Variants in KCTD16 observed in about 807,000 individuals in gnomAD.
KCTD16 encodes the protein potassium channel tetramerization domain containing 16.
Under a neutral mutation model 33.2 loss-of-function variants are expected in KCTD16, and 13 were observed. The ratio of observed to expected loss-of-function variants is 0.39; its 90% CI spans 0.25 to 0.62. The LOEUF (loss-of-function observed/expected upper bound fraction) is 0.62, where lower values mean the gene tolerates loss of function less well. Among genes scored for constraint, KCTD16 ranks in the 20% least tolerant of loss-of-function variants. KCTD16 has a pLI of 0.50. For synonymous variants in KCTD16, 197 were observed against 195.3 expected, an observed-to-expected ratio of 1.01 and a Z score of -0.07; for missense variants, 441 against 525.1, an observed-to-expected ratio of 0.84 and a Z score of 1.57.
At position 144,387,138 on chromosome 5, in the gene KCTD16, A is replaced by ATTT. The variant is rs377558036; in HGVS notation, c.833-86503_833-86501dup. The stretch of plus-strand genomic sequence containing the variant: ...TGCGCCACCTCACCAGGCTAATTTA[A>ATTT]TTTTTTTTTTTTTTTTTTTTTGAGA... On this transcript the variant is annotated intron_variant, in intron 3 of 3. Transcript: ENST00000512467. Among the ~76,000 whole-genome samples the ATTT allele has an allele frequency of 8.0e-3, 926 of 116,098 alleles. 26 individuals carry two copies. Among genetic ancestry groups the ATTT allele is most frequent in the East Asian group, 0.071 (281 of 3,940 alleles). The allele number at this position is 116,098 out of a possible 152,430, so 76.2% of individuals were successfully genotyped here. A position where few individuals can be genotyped will look rare whatever the true frequency, so the allele number is the denominator to read the frequency against.
At chr5:144,315,637 G>A (rs371170307) in intron 3 of KCTD16, among the ~76,000 whole-genome samples, 20 of 152,100 alleles carry the variant, frequency 1.3e-4, no homozygotes, top group South Asian at 4.2e-4. Context: ...TCTGTGTGAC[G>A]GGTACTATTA....
At chr5:144,370,335 T>C (rs1367334616) in intron 3 of KCTD16, among the ~76,000 whole-genome samples, 1 of 152,240 alleles carries the variant, frequency 6.6e-6, no homozygotes, top group East Asian at 1.9e-4. Flanking sequence ...TAGTTCTACC[T>C]AGACTGAAGG....
intron 3 of KCTD16, among the ~76,000 whole-genome samples, chr5:144,372,120 T>C (rs1240763662): frequency 6.6e-6 from 1 of 152,078 alleles, no homozygotes; most frequent in African/African-American, 2.4e-5. Flanking sequence ...GTGTTGAGAT[T>C]AAAATCCTGG....
At chr5:144,185,866 TACATG>T (rs1752715286) in intron 2 of KCTD16, among the ~76,000 whole-genome samples, 1 of 152,228 alleles carries the variant, frequency 6.6e-6, no homozygotes, top group South Asian at 2.1e-4. Context: ...CTAAGTATTT[TACATG>T]TATTGGCTCA....
intron 3 of KCTD16, among the ~76,000 whole-genome samples, chr5:144,352,116 A>T (rs1333205541): frequency 2.0e-5 from 3 of 152,238 alleles, no homozygotes; most frequent in Non-Finnish European, 4.4e-5. Flanking sequence ...CATCTATCAA[A>T]ACATCATGTT....
intron 3 of KCTD16, among the ~76,000 whole-genome samples, chr5:144,465,723 G>A (rs1282251952): frequency 1.4e-5 from 2 of 146,282 alleles, no homozygotes; most frequent in African/African-American, 2.5e-5. Flanking sequence ...TTCCACCTGC[G>A]TTTCTCATAA....
Position 144,206,939 on chromosome 5 carries a change from T to G in KCTD16, c.225T>G (p.Ile75Met). ...AGGACTCCAAGGGAAGGTTTTTCAT[T>G]GACAGAGATGGATTCTTGTTCCGTT... ...LAKDSKGRFF[I>M]DRDGFLFRYI... The change falls in exon 3 of 4, where the codon ATT becomes ATG. Residue 75 changes from isoleucine to methionine, a missense_variant. By Grantham distance (10) the Ile-to-Met change is conservative (BLOSUM62 1). Transcript: ENST00000512467. The G allele has an allele frequency of 1.2e-6, 2 of 1,614,128 alleles. No homozygotes were observed. Among genetic ancestry groups the G allele is most frequent in the Non-Finnish European group, 1.7e-6 (2 of 1,180,004 alleles).
intron 3 of KCTD16, among the ~76,000 whole-genome samples, chr5:144,419,223 C>G (rs377621880): frequency 1.3e-5 from 2 of 152,238 alleles, no homozygotes; most frequent in East Asian, 3.9e-4. Context: ...AATTTGCATC[C>G]CTGATATTCT....
At chr5:144,238,484 G>A (rs960553091) in intron 3 of KCTD16, among the ~76,000 whole-genome samples, 1 of 152,034 alleles carries the variant, frequency 6.6e-6, no homozygotes, top group Non-Finnish European at 1.5e-5. Context: ...CTTTTCCTTG[G>A]TGGAAGTGAG....
rs150802476 is a variant in KCTD16 at position 144,408,261 on chromosome 5, A to G, written c.833-65399A>G. On this transcript the variant is annotated intron_variant, in intron 3 of 3. Transcript: ENST00000512467. ...CAAAGCCAGGAGCAGAAGGACTGGTATTTGAATAATCCTTGTAAATAATCA... is the reference window on the plus strand; with the variant it reads ...CAAAGCCAGGAGCAGAAGGACTGGTGTTTGAATAATCCTTGTAAATAATCA... Among the ~76,000 whole-genome samples the G allele has an allele frequency of 2.1e-4, 32 of 152,342 alleles. 1 individual carries two copies. Among genetic ancestry groups the G allele is most frequent in the African/African-American group, 7.0e-4 (29 of 41,588 alleles).
intron 3 of KCTD16, among the ~76,000 whole-genome samples, chr5:144,214,917 G>T (rs190864106): frequency 1.2e-4 from 18 of 152,180 alleles, no homozygotes; most frequent in African/African-American, 4.1e-4. Flanking sequence ...ACAAATGTAG[G>T]TATAGTACTT....
At chr5:144,343,825 A>G (rs1235051430) in intron 3 of KCTD16, among the ~76,000 whole-genome samples, 2 of 152,116 alleles carry the variant, frequency 1.3e-5, no homozygotes, top group Non-Finnish European at 2.9e-5. Context: ...TTCTGCCTTC[A>G]TTTCGTTATG....
intron 3 of KCTD16, among the ~76,000 whole-genome samples, chr5:144,452,146 TTATATATA>T (rs140891816): frequency 7.2e-6 from 1 of 138,196 alleles, no homozygotes; most frequent in Admixed American, 7.1e-5. Flanking sequence ...ATATATAATA[TTATATATA>T]TATATATATA....
Position 144,226,471 on chromosome 5 carries a change from G to T in KCTD16, c.832+18925G>T, listed in dbSNP as rs113253824. 1.3e-3 allele frequency among the ~76,000 whole-genome samples: 197 copies of T among 152,204 alleles called. 3 individuals are homozygous for T. The highest frequency in any genetic ancestry group is 4.5e-3 in the African/African-American group (185 of 41,516). On this transcript the variant is annotated intron_variant, in intron 3 of 3. Transcript: ENST00000512467. ...GATTTAGAACAATCTGTGGAATATA[G>T]TAAGTATGAGTTCATTAAATAAAAT...
intron 3 of KCTD16, among the ~76,000 whole-genome samples, chr5:144,472,033 A>G (rs1268020062): frequency 2.0e-5 from 3 of 152,204 alleles, no homozygotes; most frequent in Non-Finnish European, 4.4e-5. Context: ...AATTTTCCTA[A>G]TAGTTTTCAT....
intron 3 of KCTD16, among the ~76,000 whole-genome samples, chr5:144,344,807 G>A (rs962766723): frequency 6.7e-6 from 1 of 150,084 alleles, no homozygotes; most frequent in South Asian, 2.1e-4. Context: ...CGATTCCTCA[G>A]GGATCTAGAA....
chr5:144,201,622 G>A (rs1259290282), intron 2 of KCTD16, among the ~76,000 whole-genome samples: 2 of 152,216 alleles, frequency 1.3e-5, no homozygotes, highest in Non-Finnish European at 2.9e-5. Flanking sequence ...CACCTGCGAG[G>A]CAGGTCTTTT....
chr5:144,330,932 A>G (rs560182344), intron 3 of KCTD16, among the ~76,000 whole-genome samples: 30 of 152,324 alleles, frequency 2.0e-4, no homozygotes, highest in African/African-American at 7.0e-4. Context: ...AACTGGAGGG[A>G]CTTTAATAAC....
intron 3 of KCTD16, among the ~76,000 whole-genome samples, chr5:144,363,374 G>A (rs1422201166): frequency 8.6e-5 from 13 of 151,966 alleles, no homozygotes; most frequent in Admixed American, 7.9e-4. Flanking sequence ...GTATGTGTGT[G>A]TGTGCTAAAG....
Sources: allele counts gnomAD v4.1 joint callset (sites outside exome capture counted in the v4.1 genomes callset), GRCh38; gene constraint gnomAD v4.1.1; transcripts MANE v1.5; gene names NCBI Gene and HGNC (gene_info 2026-07-23, HGNC 2026-07-21).